SOX6: variants seen among roughly 807,000 people sequenced by gnomAD.
SOX6 encodes the protein transcription factor SOX-6.
SOX6 carries 11 observed loss-of-function variants against 97.8 expected under a neutral mutation model. That is an observed-to-expected ratio of 0.11 (90% CI 0.07 to 0.19). The LOEUF (loss-of-function observed/expected upper bound fraction) is 0.19, where lower values mean the gene tolerates loss of function less well. Among genes scored for constraint, SOX6 ranks in the 10% least tolerant of loss-of-function variants. The pLI is 1.00. For synonymous variants in SOX6, 360 were observed against 371.4 expected (o/e 0.97, Z 0.35); for missense variants, 810 against 1,039.5 (o/e 0.78, Z 3.04).
intron 12 of SOX6, among the ~76,000 whole-genome samples, chr11:16,041,316 T>G (rs1271715236): frequency 1.3e-5 from 2 of 152,072 alleles, no homozygotes; most frequent in African/African-American, 4.8e-5. Flanking sequence ...AATACCTGAA[T>G]CAATTGTATG....
intron 13 of SOX6, among the ~76,000 whole-genome samples, chr11:15,999,854 G>A (rs551787144): frequency 1.4e-4 from 21 of 152,204 alleles, no homozygotes; most frequent in African/African-American, 5.1e-4. Flanking sequence ...AGATTCTGAA[G>A]AGTCACACAA....
At chr11:16,044,331 A>G (rs971081947) in intron 12 of SOX6, among the ~76,000 whole-genome samples, 3 of 152,214 alleles carry the variant, frequency 2.0e-5, no homozygotes, top group African/African-American at 4.8e-5. Context: ...TGAGCTACAA[A>G]GAACAAATTC....
chr11:16,503,962 G>T (rs1860746939), intron 4 of SOX6, among the ~76,000 whole-genome samples: 1 of 151,990 alleles, frequency 6.6e-6, no homozygotes, highest in African/African-American at 2.4e-5. Context: ...AGAATTGCAT[G>T]AACCCAGGAG....
At chr11:16,553,194 A>C (rs1847709406) in intron 4 of SOX6, among the ~76,000 whole-genome samples, 2 of 152,194 alleles carry the variant, frequency 1.3e-5, no homozygotes, top group African/African-American at 4.8e-5. Flanking sequence ...TTTGGCTAGG[A>C]AAGAACTTAA....
At chr11:16,059,123 C>T (rs1041970407) in intron 9 of SOX6, among the ~76,000 whole-genome samples, 6 of 152,044 alleles carry the variant, frequency 3.9e-5, no homozygotes, top group Non-Finnish European at 8.8e-5. Flanking sequence ...CATCTATCCA[C>T]TTCTCATATT....
At chr11:16,342,937 GA>G (rs1318370700) in intron 1 of SOX6, among the ~76,000 whole-genome samples, 3 of 151,918 alleles carry the variant, frequency 2.0e-5, no homozygotes, top group African/African-American at 4.8e-5. Context: ...TAAAATGGGG[GA>G]AAGGGAATGC....
intron 1 of SOX6, among the ~76,000 whole-genome samples, chr11:16,414,834 T>C (rs1457249879): frequency 2.0e-5 from 3 of 152,166 alleles, no homozygotes; most frequent in African/African-American, 7.2e-5. Context: ...ACTGCTTCTA[T>C]GTCAGTCAGT....
chr11:15,992,763 C>T (rs1160446178), intron 13 of SOX6, among the ~76,000 whole-genome samples: 3 of 152,128 alleles, frequency 2.0e-5, no homozygotes, highest in East Asian at 1.9e-4. Context: ...TCTGTCTTTT[C>T]GAAGTGACTA....
intron 3 of SOX6, among the ~76,000 whole-genome samples, chr11:16,642,939 T>C (rs1848944446): frequency 1.3e-5 from 2 of 152,206 alleles, no homozygotes; most frequent in African/African-American, 4.8e-5. Context: ...CTGTCCAGCT[T>C]TGTTCCATTG....
chr11:16,237,267 T>C (rs149527452), intron 3 of SOX6, among the ~76,000 whole-genome samples: 13 of 152,048 alleles, frequency 8.5e-5, no homozygotes, highest in Non-Finnish European at 1.3e-4. Flanking sequence ...ATAAAGTAAG[T>C]AGGATGATAT....
At chr11:16,458,731 T>C (rs1240892367) in intron 1 of SOX6, among the ~76,000 whole-genome samples, 1 of 152,022 alleles carries the variant, frequency 6.6e-6, no homozygotes, top group African/African-American at 2.4e-5. Context: ...CTTAGACTAC[T>C]AAAAAACTGG....
chr11:16,332,286 A>G (rs1008910803), intron 2 of SOX6, among the ~76,000 whole-genome samples: 1 of 152,154 alleles, frequency 6.6e-6, no homozygotes, highest in African/African-American at 2.4e-5. Context: ...GCAAAAAATT[A>G]TTACTCACCA....
At chr11:16,214,264 A>C (rs1399062110) in intron 4 of SOX6, among the ~76,000 whole-genome samples, 1 of 152,176 alleles carries the variant, frequency 6.6e-6, no homozygotes, top group Non-Finnish European at 1.5e-5. Flanking sequence ...TTAGTCTATA[A>C]CTATACTAAG....
At chr11:16,036,965 T>C (rs943071813) in intron 12 of SOX6, among the ~76,000 whole-genome samples, 4 of 152,202 alleles carry the variant, frequency 2.6e-5, no homozygotes, top group Non-Finnish European at 5.9e-5. Context: ...TAAAGTTGCA[T>C]TTTAAACTGA....
intron 3 of SOX6, among the ~76,000 whole-genome samples, chr11:16,676,915 G>A (rs564053158): frequency 8.1e-4 from 123 of 151,490 alleles, no homozygotes; most frequent in African/African-American, 2.8e-3. Context: ...CTCAGTCCTG[G>A]GCATGCAGTT....
At position 16,055,814 on chromosome 11, in the gene SOX6, T is replaced by C; in HGVS notation, c.1189A>G (p.Thr397Ala). 1.9e-6 allele frequency: 3 copies of C among 1,613,822 alleles called. No individual in the cohort carries two copies. The highest frequency in any genetic ancestry group is 2.5e-6 in the Non-Finnish European group (3 of 1,179,850). The part of the protein sequence containing the change: ...STPQPPNTAG[T>A]VSPTGIKNEK... ...TTTTTTATCCCAGTAGGTGAGACCG[T>C]CCCTGCTGTGTTTGGTGGCTGTGGA... Residue 397 changes from threonine (T) to alanine (A), a missense_variant, in exon 10 of 16, where the codon ACG becomes GCG. By Grantham distance (58) the Thr-to-Ala change is moderately conservative. Coordinates refer to ENST00000683767, the MANE Select transcript of SOX6 (RefSeq NM_001367873.1).
intron 9 of SOX6, among the ~76,000 whole-genome samples, chr11:16,073,919 A>G (rs1361462901): frequency 1.3e-5 from 2 of 152,304 alleles, no homozygotes; most frequent in East Asian, 3.9e-4. Context: ...ATATACCAGA[A>G]TTTCTGGGAT....
At position 16,714,576 on chromosome 11, in the gene SOX6, C is replaced by A. The variant is rs558020229; in HGVS notation, n.429+254G>T. On this transcript the variant is annotated intron_variant and non_coding_transcript_variant, in intron 3 of 5. Coordinates refer to the SOX6 transcript ENST00000524520. ...AAGCAATTCTCCTGCCTCAGCCTCCCGAATAGCTGGGACTACAGGCGAGCA... is the reference window on the plus strand; with the variant it reads ...AAGCAATTCTCCTGCCTCAGCCTCCAGAATAGCTGGGACTACAGGCGAGCA... 3.3e-4 allele frequency among the ~76,000 whole-genome samples: 50 copies of A among 151,756 alleles called. 2 individuals are homozygous for A. The highest frequency in any genetic ancestry group is 1.2e-3 in the African/African-American group (50 of 41,348).
chr11:16,667,899 T>C (rs906295903), intron 3 of SOX6, among the ~76,000 whole-genome samples: 1 of 152,122 alleles, frequency 6.6e-6, no homozygotes, highest in African/African-American at 2.4e-5. Context: ...AATAGTATAA[T>C]AAAATATAAA....
Sources: gnomAD v4.1 joint callset for allele counts (sites outside exome capture counted in the v4.1 genomes callset) on GRCh38, gnomAD v4.1.1 for gene constraint, MANE v1.5 for transcripts, NCBI Gene and HGNC (gene_info 2026-07-23, HGNC 2026-07-21) for gene names.